Variants in CNTNAP5 observed in about 807,000 individuals in gnomAD.
CNTNAP5 encodes contactin-associated protein-like 5.
Under a neutral mutation model 150.2 loss-of-function variants are expected in CNTNAP5, and 72 were observed. The ratio of observed to expected loss-of-function variants is 0.48; its 90% confidence interval spans 0.40 to 0.58. The LOEUF (loss-of-function observed/expected upper bound fraction) is 0.58. Among genes scored for constraint, CNTNAP5 ranks in the 20% least tolerant of loss-of-function variants. The probability of loss-of-function intolerance (pLI) is 0.00; values close to 1 mark genes in which losing one functional copy is unlikely to be tolerated. For missense variants in CNTNAP5, 1,636 were observed against 1,626.2 expected (o/e 1.01, Z -0.10); for synonymous variants, 672 against 619.8 (o/e 1.08, Z -1.25).
At chr2:124,797,574 T>C (rs1681873105) in intron 18 of CNTNAP5, among the ~76,000 whole-genome samples, 1 of 152,226 alleles carries the variant, frequency 6.6e-6, no homozygotes, top group Non-Finnish European at 1.5e-5. Context: ...TTCTTCATGA[T>C]TTACCAACAT....
intron 19 of CNTNAP5, among the ~76,000 whole-genome samples, chr2:124,856,971 G>A (rs895321149): frequency 1.3e-5 from 2 of 152,190 alleles, no homozygotes; most frequent in Non-Finnish European, 2.9e-5. Flanking sequence ...TTTCTGGGCT[G>A]TGGCTCATGG....
At position 124,571,527 on chromosome 2, in the gene CNTNAP5, C is replaced by CTTTTTTTTT. The variant is rs1214169811; in HGVS notation, c.1756+8217_1756+8225dup. Among the ~76,000 whole-genome samples, 215 of 46,842 alleles carry CTTTTTTTTT rather than the reference C, an allele frequency of 4.6e-3. 26 individuals carry two copies. The highest frequency in any genetic ancestry group is 7.8e-3 in the East Asian group (16 of 2,058). The allele number at this position is 46,842 out of a possible 152,430, so 30.7% of individuals were successfully genotyped here. On this transcript the variant is annotated intron_variant, in intron 11 of 23. Coordinates refer to ENST00000682447, the MANE Select transcript of CNTNAP5 (RefSeq NM_001367498.1). Reference sequence around the variant, plus strand: ...CACTGAGTACTTTTTTTTCTTTTTTCTTTTTTTTTTTTTTTTTTTTTGAGA... The same window carrying CTTTTTTTTT: ...CACTGAGTACTTTTTTTTCTTTTTTCTTTTTTTTTTTTTTTTTTTTTTTTTTTTTTGAGA...
rs1692811211 is a variant in CNTNAP5 at position 124,446,186 on chromosome 2, T to C, written c.734-567T>C. Among the ~76,000 whole-genome samples, 4 of 152,178 alleles carry C rather than the reference T, an allele frequency of 2.6e-5. No homozygotes were observed. In the South Asian group the frequency reaches 8.3e-4, roughly 32 times the overall value. On this transcript the variant is annotated intron_variant, in intron 5 of 23. Transcript: ENST00000682447. ...TCACCTCCCTGAGCCTCAGAGTTCT[T>C]ATTTGTCCAATGGAGATGATAATTT...
intron 13 of CNTNAP5, among the ~76,000 whole-genome samples, chr2:124,666,426 G>A (rs186939555): frequency 5.3e-5 from 8 of 152,066 alleles, no homozygotes; most frequent in African/African-American, 1.2e-4. Flanking sequence ...CAGAGCCTTA[G>A]GTCTTATTTA....
intron 1 of CNTNAP5, among the ~76,000 whole-genome samples, chr2:124,079,172 G>A (rs1682504094): frequency 6.6e-6 from 1 of 152,178 alleles, no homozygotes; most frequent in South Asian, 2.1e-4. Flanking sequence ...AAAAACACCT[G>A]TTACGTTAGT....
At chr2:124,666,819 G>A (rs1044276025) in intron 13 of CNTNAP5, among the ~76,000 whole-genome samples, 3 of 152,068 alleles carry the variant, frequency 2.0e-5, no homozygotes, top group African/African-American at 4.8e-5. Flanking sequence ...TGCAGGGAGC[G>A]CATCCCAGCA....
In CNTNAP5 at chr2:124,559,045, C is replaced by A. The variant is rs555948570; in HGVS notation, c.1650-4172C>A. Among the ~76,000 whole-genome samples the A allele has an allele frequency of 3.3e-5, 5 of 152,252 alleles. No individual in the cohort carries two copies. The South Asian group carries it at 1.0e-3, about 32-fold the overall frequency. ...GAAATACTTTGTTTCTTCATATTTCCCATGAACAGCAAAACACAGTACAAA... is the reference window on the plus strand; with the variant it reads ...GAAATACTTTGTTTCTTCATATTTCACATGAACAGCAAAACACAGTACAAA... On this transcript the variant is annotated intron_variant, in intron 10 of 23. Coordinates refer to ENST00000682447, the MANE Select transcript of CNTNAP5 (RefSeq NM_001367498.1).
At chr2:124,455,578 C>G (rs900226301) in intron 6 of CNTNAP5, among the ~76,000 whole-genome samples, 1 of 152,102 alleles carries the variant, frequency 6.6e-6, no homozygotes, top group East Asian at 1.9e-4. Flanking sequence ...AAGCCAATAT[C>G]ACCCTAATAC....
chr2:124,700,437 T>A (rs1573556205), intron 13 of CNTNAP5, among the ~76,000 whole-genome samples: 1 of 94,084 alleles, frequency 1.1e-5, no homozygotes. Context: ...ATCACCAAAC[T>A]TTTTTCCATA....
chr2:124,489,087 G>T lies in CNTNAP5; in HGVS notation c.1062+14205G>T, dbSNP rs115392337. ...GTTCACAATGAACTCGTTCTTTCTGGTGCTTTCCATGATTGAGAATTATGT... is the reference window on the plus strand; with the variant it reads ...GTTCACAATGAACTCGTTCTTTCTGTTGCTTTCCATGATTGAGAATTATGT... On this transcript the variant is annotated intron_variant, in intron 7 of 23. Transcript: ENST00000682447. 8.6e-3 allele frequency among the ~76,000 whole-genome samples: 1,306 copies of T among 152,266 alleles called. 7 individuals are homozygous for T. The highest frequency in any genetic ancestry group is 0.014 in the Middle Eastern group (4 of 294).
chr2:124,730,553 T>C (rs929790657), intron 13 of CNTNAP5, among the ~76,000 whole-genome samples: 2 of 152,078 alleles, frequency 1.3e-5, no homozygotes, highest in Non-Finnish European at 2.9e-5. Flanking sequence ...ATGTTGTAAG[T>C]CTTGTGTAAA....
intron 21 of CNTNAP5, among the ~76,000 whole-genome samples, chr2:124,885,919 G>T (rs1678071144): frequency 6.6e-6 from 1 of 151,952 alleles, no homozygotes; most frequent in African/African-American, 2.4e-5. Context: ...AAATAGGGCT[G>T]CTGTGAACAT....
intron 11 of CNTNAP5, among the ~76,000 whole-genome samples, chr2:124,570,180 A>G (rs529386540): frequency 6.6e-6 from 1 of 152,346 alleles, no homozygotes; most frequent in African/African-American, 2.4e-5. Context: ...GATGTATACC[A>G]AAAACAAATA....
At chr2:124,781,386 C>T (rs369436994) in intron 17 of CNTNAP5, among the ~76,000 whole-genome samples, 32 of 152,234 alleles carry the variant, frequency 2.1e-4, no homozygotes, top group Non-Finnish European at 3.7e-4. Flanking sequence ...ATTTCTCTTA[C>T]GTTGTGTAAG....
intron 2 of CNTNAP5, among the ~76,000 whole-genome samples, chr2:124,239,327 A>C (rs987169232): frequency 6.6e-6 from 1 of 152,074 alleles, no homozygotes; most frequent in Non-Finnish European, 1.5e-5. Context: ...TGCTAATTAG[A>C]ATAGATGAAG....
intron 1 of CNTNAP5, among the ~76,000 whole-genome samples, chr2:124,166,723 G>A (rs1235615986): frequency 6.6e-6 from 1 of 152,042 alleles, no homozygotes; most frequent in Non-Finnish European, 1.5e-5. Context: ...GCCACCAGAG[G>A]GAACAAATCA....
intron 1 of CNTNAP5, among the ~76,000 whole-genome samples, chr2:124,124,314 G>A (rs1288674128): frequency 6.6e-6 from 1 of 152,160 alleles, no homozygotes; most frequent in Non-Finnish European, 1.5e-5. Flanking sequence ...GGGTATCAGT[G>A]ATGGAAGATC....
In CNTNAP5 at chr2:124,140,093, C is replaced by T. The variant is rs372715423; in HGVS notation, c.83-81612C>T. ...GCGCTTTTCAGACCGGCTTAAAAAA[C>T]GGCGCACCACGAGACTATATCCCAC... On this transcript the variant is annotated intron_variant, in intron 1 of 23. Transcript: ENST00000682447. Among the ~76,000 whole-genome samples the T allele has an allele frequency of 5.1e-3, 777 of 151,954 alleles. 6 individuals carry two copies. The highest frequency in any genetic ancestry group is 0.017 in the African/African-American group (717 of 41,476).
At chr2:124,126,813 T>C (rs1343766215) in intron 1 of CNTNAP5, among the ~76,000 whole-genome samples, 1 of 152,204 alleles carries the variant, frequency 6.6e-6, no homozygotes, top group Non-Finnish European at 1.5e-5. Context: ...AAAAACCACA[T>C]GATTGTCTCA....
Sources: allele counts gnomAD v4.1 joint callset (sites outside exome capture counted in the v4.1 genomes callset), GRCh38; gene constraint gnomAD v4.1.1; transcripts MANE v1.5; gene names NCBI Gene and HGNC (gene_info 2026-07-23, HGNC 2026-07-21).